PRIM2: variants seen among roughly 807,000 people sequenced by gnomAD.
PRIM2 encodes the protein DNA primase subunit 2, also known as DNA primase large subunit.
Under a neutral mutation model 67.3 loss-of-function variants are expected in PRIM2, and 39 were observed. The ratio of observed to expected loss-of-function variants is 0.58; its 90% CI spans 0.45 to 0.76. The LOEUF (loss-of-function observed/expected upper bound fraction) is 0.76. PRIM2 is among the 30% of genes least tolerant of loss of function. The pLI is 0.00. For synonymous variants in PRIM2, 143 were observed against 198.7 expected (o/e 0.72, Z 2.36); for missense variants, 398 against 598.7 (o/e 0.66, Z 3.50).
intron 10 of PRIM2, among the ~76,000 whole-genome samples, chr6:57,539,452 C>T (rs1169217610): frequency 6.6e-6 from 1 of 151,816 alleles, no homozygotes; most frequent in Non-Finnish European, 1.5e-5. Flanking sequence ...TATTGTTGGA[C>T]ATTTGGTTGT....
intron 10 of PRIM2, among the ~76,000 whole-genome samples, chr6:57,584,962 CA>C (rs1247851249): frequency 1.3e-5 from 2 of 152,174 alleles, no homozygotes; most frequent in African/African-American, 4.8e-5. Context: ...AGCCTGTAAA[CA>C]GTTCTCACCG....
At chr6:57,450,995 A>C (rs1772524864) in intron 7 of PRIM2, among the ~76,000 whole-genome samples, 2 of 152,136 alleles carry the variant, frequency 1.3e-5, no homozygotes, top group Non-Finnish European at 2.9e-5. Context: ...ATGTTTTCTT[A>C]TCCTTGCCTT....
At chr6:57,311,548 G>A (rs923176822), upstream of PRIM2, among the ~76,000 whole-genome samples, 1 of 152,192 alleles carries the variant, frequency 6.6e-6, no homozygotes, top group Non-Finnish European at 1.5e-5. Flanking sequence ...TCCTAGAGGG[G>A]GCGGCGGGGC....
the PRIM2 span, among the ~76,000 whole-genome samples, chr6:57,240,098 T>TTTG: frequency 1.3e-5 from 1 of 75,814 alleles, no homozygotes; most frequent in African/African-American, 4.5e-5. Flanking sequence ...TCTGTTTTTT[T>TTTG]TTTTTTTTTT....
intron 9 of PRIM2, among the ~76,000 whole-genome samples, chr6:57,536,612 A>G (rs1430293282): frequency 5.3e-5 from 8 of 152,356 alleles, no homozygotes; most frequent in Non-Finnish European, 1.0e-4. Context: ...CAATGAGTGA[A>G]TAAATAAATT....
chr6:57,348,304 A>C (rs528114597), intron 5 of PRIM2, among the ~76,000 whole-genome samples: 101 of 152,350 alleles, frequency 6.6e-4, no homozygotes, highest in African/African-American at 2.3e-3. Context: ...ACTCATGTAT[A>C]ATATTCAAAG....
At chr6:57,330,361 G>GTTTTTTTTTTTTT (rs59599812) in intron 5 of PRIM2, among the ~76,000 whole-genome samples, 1 of 110,398 alleles carries the variant, frequency 9.1e-6, no homozygotes, top group African/African-American at 3.6e-5. Flanking sequence ...TTTTTTTTTT[G>GTTTTTTTTTTTTT]TTTTTGTTTT....
At chr6:57,379,462 A>C (rs9296875) in intron 5 of PRIM2, among the ~76,000 whole-genome samples, 7,303 of 152,068 alleles carry the variant, frequency 0.048, 317 homozygotes, top group African/African-American at 0.11. Context: ...TAGTGTTTTA[A>C]GTTTGGAATT....
At chr6:57,231,507 C>T in the PRIM2 span, among the ~76,000 whole-genome samples, 1 of 151,994 alleles carries the variant, frequency 6.6e-6, no homozygotes, top group African/African-American at 2.4e-5. Flanking sequence ...CAATAAGCAA[C>T]AAATAGGCAA....
intron 5 of PRIM2, among the ~76,000 whole-genome samples, chr6:57,376,157 C>A (rs1158163205): frequency 6.6e-6 from 1 of 152,140 alleles, no homozygotes; most frequent in African/African-American, 2.4e-5. Context: ...GTGATCATAC[C>A]ATTGCATTCC....
chr6:57,393,811 C>A (rs1052525299), intron 7 of PRIM2, among the ~76,000 whole-genome samples: 3 of 151,656 alleles, frequency 2.0e-5, no homozygotes, highest in Non-Finnish European at 4.4e-5. Flanking sequence ...GGTTTAAGTC[C>A]TTAATCCATC....
chr6:57,237,859 A>T, the PRIM2 span, among the ~76,000 whole-genome samples: 1 of 152,216 alleles, frequency 6.6e-6, no homozygotes, highest in African/African-American at 2.4e-5. Context: ...TGATGCCTCC[A>T]GCTTTGTTCT....
chr6:57,643,201 A>G (rs1294270077), intron 13 of PRIM2, among the ~76,000 whole-genome samples: 1 of 152,208 alleles, frequency 6.6e-6, no homozygotes, highest in Non-Finnish European at 1.5e-5. Flanking sequence ...GAAGCGAGGT[A>G]TAGAAAATGC....
intron 5 of PRIM2, among the ~76,000 whole-genome samples, chr6:57,354,653 TG>T (rs1768968246): frequency 6.6e-6 from 1 of 152,190 alleles, no homozygotes; most frequent in South Asian, 2.1e-4. Flanking sequence ...CTTTCAAAGA[TG>T]GCTTTCATTA....
At chr6:57,470,704 A>T (rs1773317432) in intron 7 of PRIM2, among the ~76,000 whole-genome samples, 1 of 152,102 alleles carries the variant, frequency 6.6e-6, no homozygotes, top group East Asian at 1.9e-4. Context: ...CTAATTTGGT[A>T]GGATTAAAAC....
At chr6:57,280,916 A>C in the PRIM2 span, among the ~76,000 whole-genome samples, 1 of 152,024 alleles carries the variant, frequency 6.6e-6, no homozygotes, top group African/African-American at 2.4e-5. Context: ...AAATACATTT[A>C]TATTCTTTTT....
intron 8 of PRIM2, among the ~76,000 whole-genome samples, chr6:57,525,473 C>T (rs1217122667): frequency 6.6e-6 from 1 of 152,150 alleles, no homozygotes; most frequent in Non-Finnish European, 1.5e-5. Flanking sequence ...CCACTTTACT[C>T]CCTAGTTGCT....
At chr6:57,550,367 A>G (rs1218391428) in intron 10 of PRIM2, among the ~76,000 whole-genome samples, 4 of 152,194 alleles carry the variant, frequency 2.6e-5, no homozygotes, top group Middle Eastern at 3.2e-3. Context: ...ATTAATATTT[A>G]AACATTGACT....
rs1391608142 is a variant in PRIM2, at chr6:57,597,841, C to T, written c.1021-3252C>T. 3.3e-5 allele frequency among the ~76,000 whole-genome samples: 5 copies of T among 152,166 alleles called. No individual in the cohort carries two copies. In the East Asian group the frequency reaches 9.6e-4, roughly 29 times the overall value. On this transcript the variant is annotated intron_variant, in intron 10 of 13. Transcript: ENST00000615550. ...TGTTTTCCAAAATATGGCCTGCCCA[C>T]CTTTTGTATTTAAGTTTCAGTTCAT...
Sources: gnomAD v4.1 joint callset for allele counts (sites outside exome capture counted in the v4.1 genomes callset) on GRCh38, gnomAD v4.1.1 for gene constraint, MANE v1.5 for transcripts, NCBI Gene and HGNC (gene_info 2026-07-23, HGNC 2026-07-21) for gene names.